Variants in CALCOCO1 observed in about 807,000 individuals in gnomAD.
CALCOCO1 encodes calcium binding and coiled-coil domain 1.
CALCOCO1 carries 44 observed loss-of-function variants against 86.3 expected under a neutral mutation model. That is an observed-to-expected ratio of 0.51 (90% confidence interval 0.40 to 0.66). The LOEUF (loss-of-function observed/expected upper bound fraction) is 0.66. Among genes scored for constraint, CALCOCO1 ranks in the 30% least tolerant of loss-of-function variants. CALCOCO1 has a pLI of 0.00. For synonymous variants in CALCOCO1, 297 were observed against 327.6 expected (o/e 0.91, Z 1.01); for missense variants, 708 against 851.1 (o/e 0.83, Z 2.09).
chr12:53,724,196 T>C, intron 3 of CALCOCO1: 1 of 436,846 alleles, frequency 2.3e-6, no homozygotes, highest in Non-Finnish European at 4.4e-6. Context: ...ACGCCTGGCC[T>C]GCAGCTTTCA....
intron 4 of CALCOCO1, 153 bp downstream of exon 4, chr12:53,723,440 A>G (rs944747743): frequency 1.4e-5 from 10 of 732,130 alleles, no homozygotes; most frequent in Non-Finnish European, 2.3e-5. Flanking sequence ...TCTATGTTAG[A>G]CTGAGACTCT....
rs1426311461 is a variant in CALCOCO1, at chr12:53,708,524, G to A, written c.*3420C>T. ...GCAACACATGGCACTTCATTTAATG[G>A]TATTGGTAATATTTATTTGAAGCTA... On this transcript the variant is annotated 3_prime_UTR_variant, in exon 15 of 15. Transcript: ENST00000550804. The A allele has an allele frequency of 2.0e-5, 3 of 151,908 alleles. No homozygotes were observed. Among genetic ancestry groups the A allele is most frequent in the Non-Finnish European group, 4.4e-5 (3 of 68,008 alleles). The allele number at this position is 151,908 out of a possible 1,614,324, so 9.4% of individuals were successfully genotyped here. A position where few individuals can be genotyped will look rare whatever the true frequency, so the allele number is the denominator to read the frequency against.
At chr12:53,712,385 T>C in intron 14 of CALCOCO1, 1 of 402,676 alleles carries the variant, frequency 2.5e-6, no homozygotes. Flanking sequence ...CCTCCCTCCA[T>C]CTCCGTCTGC....
At chr12:53,714,370 C>T (rs1945667970) in intron 11 of CALCOCO1, 129 bp from the exon 12 acceptor site, 2 of 714,772 alleles carry the variant, frequency 2.8e-6, no homozygotes, top group Middle Eastern at 3.7e-4. Context: ...AAGATTGGGG[C>T]AACTTCAGGC....
chr12:53,709,339 C>T lies in CALCOCO1; in HGVS notation c.*2605G>A, dbSNP rs1230654356. ...GCCGTCAATTACCCTTCCTTGAGCCCCCTCTGTGTCGGGGACCATGCTTTG... is the reference window on the plus strand; with the variant it reads ...GCCGTCAATTACCCTTCCTTGAGCCTCCTCTGTGTCGGGGACCATGCTTTG... On this transcript the variant is annotated 3_prime_UTR_variant, in exon 15 of 15. Transcript: ENST00000550804. 2 of 152,248 alleles carry T rather than the reference C, an allele frequency of 1.3e-5. No homozygotes were observed. Among genetic ancestry groups the T allele is most frequent in the African/African-American group, 4.8e-5 (2 of 41,446 alleles). 9.4% of individuals were successfully genotyped at this position (152,248 alleles called of 1,614,324 possible).
intron 13 of CALCOCO1, among the ~76,000 whole-genome samples, 154 bp downstream of exon 13, chr12:53,713,547 C>A (rs2120547953): frequency 2.0e-5 from 3 of 152,232 alleles, no homozygotes; most frequent in Admixed American, 2.0e-4. Context: ...GCCTGTGGTC[C>A]CAGCTACTCT....
chr12:53,712,916 C>A, intron 14 of CALCOCO1, 184 bp downstream of exon 14: 1 of 1,369,072 alleles, frequency 7.3e-7, no homozygotes, highest in Admixed American at 2.0e-5. Context: ...GTAGGGATTA[C>A]CTGAAGGCAT....
At chr12:53,717,165 A>G (rs1945749442) in intron 7 of CALCOCO1, among the ~76,000 whole-genome samples, 1 of 152,098 alleles carries the variant, frequency 6.6e-6, no homozygotes, top group Non-Finnish European at 1.5e-5. Flanking sequence ...GGCTTAAGCA[A>G]TTGTCTCAAC....
intron 13 of CALCOCO1, 50 bp from the exon 14 acceptor site, chr12:53,713,256 G>T (rs1945624998): frequency 1.4e-6 from 2 of 1,462,238 alleles, no homozygotes; most frequent in African/African-American, 1.4e-5. Context: ...TCCCAAGATG[G>T]GGGAGCAGCA....
At chr12:53,713,319 G>C in intron 13 of CALCOCO1, 113 bp from the exon 14 acceptor site, 2 of 832,142 alleles carry the variant, frequency 2.4e-6, no homozygotes, top group East Asian at 5.1e-5. Flanking sequence ...GACCTGAGGG[G>C]CTTAGGAAGA....
chr12:53,723,688 G>A lies in CALCOCO1; in HGVS notation c.355C>T (p.Arg119Ter), dbSNP rs753475661. ...VCGQSPPFQFREPRPMDELVT... is the reference protein window; with the variant it reads ...VCGQSPPFQF ...AGTTCATCCATGGGCCTTGGCTCTC[G>A]GAACTGGAAAGGGGGGCTCTGCCCA... Residue 119 changes from arginine (R) to a stop codon, truncating the protein, a stop_gained, in exon 4 of 15, where the codon CGA (arginine) becomes TGA (stop). Transcript: ENST00000550804. LOFTEE classifies it high-confidence loss of function. 4 of 1,614,182 alleles carry A rather than the reference G, an allele frequency of 2.5e-6. No individual in the cohort carries two copies. The highest frequency in any genetic ancestry group is 4.5e-5 in the East Asian group (2 of 44,892).
rs1945560938 is a variant in CALCOCO1 at position 53,711,856 on chromosome 12, A to G, written c.*88T>C. 17 of 1,161,876 alleles carry G rather than the reference A, an allele frequency of 1.5e-5. No individual in the cohort carries two copies. The highest frequency in any genetic ancestry group is 2.0e-5 in the Non-Finnish European group (17 of 854,560). The allele number at this position is 1,161,876 out of a possible 1,614,324, so 72.0% of individuals were successfully genotyped here. On this transcript the variant is annotated 3_prime_UTR_variant, in exon 15 of 15. Coordinates refer to ENST00000550804, the MANE Select transcript of CALCOCO1 (RefSeq NM_020898.3). ...AGAATATCATGGAGCCCAGTGTGAT[A>G]GAAAATGGGCATGAAACCTAAGTGT...
At position 53,715,767 on chromosome 12, in the gene CALCOCO1, T is replaced by C. The variant is rs201454763; in HGVS notation, c.1260+26A>G. The C allele has an allele frequency of 2.9e-5, 46 of 1,606,580 alleles. No homozygotes were observed. In the East Asian group the frequency reaches 9.6e-4, roughly 34 times the overall value. ...AGAGGTGGGGGCAGTGGCCATCAGA[T>C]TGCCAGGTACCCCCCATCCCTCTAC... On this transcript the variant is annotated intron_variant, in intron 9 of 14. Coordinates refer to ENST00000550804, the MANE Select transcript of CALCOCO1 (RefSeq NM_020898.3).
chr12:53,721,368 T>A, intron 6 of CALCOCO1, 99 bp downstream of exon 6: 6 of 1,079,328 alleles, frequency 5.6e-6, no homozygotes, highest in Non-Finnish European at 8.0e-6. Flanking sequence ...AGAGAAAGCG[T>A]GTGAGGCAGA....
chr12:53,713,117 G>T lies in CALCOCO1; in HGVS notation c.1881C>A (p.Ala627=). Residue 627 remains alanine (A), a synonymous_variant, in exon 14 of 15, where the codon GCC becomes GCA. Transcript: ENST00000550804. ...ANLLLPELGS[A]FYDMASGFTV... The stretch of plus-strand genomic sequence containing the variant: ...GAACTCACCTGGCCATGTCATAGAA[G>T]GCACTGCCCAGTTCAGGAAGCAGTA... The T allele has an allele frequency of 6.2e-7, 1 of 1,614,008 alleles. No individual in the cohort carries two copies. Among genetic ancestry groups the T allele is most frequent in the Non-Finnish European group, 8.5e-7 (1 of 1,179,906 alleles).
intron 9 of CALCOCO1, 60 bp downstream of exon 9, chr12:53,715,731 GGA>G: frequency 6.3e-7 from 1 of 1,582,296 alleles, no homozygotes; most frequent in South Asian, 1.1e-5. Flanking sequence ...ACCACATGTA[GGA>G]GTCCCCACAG....
At chr12:53,713,036 A>G (rs1334622022) in intron 14 of CALCOCO1, 64 bp downstream of exon 14, 2 of 1,464,120 alleles carry the variant, frequency 1.4e-6, no homozygotes, top group Non-Finnish European at 1.9e-6. Flanking sequence ...GTGACTGTCC[A>G]CACAGATGCC....
Position 53,722,120 on chromosome 12 carries a change from C to T in CALCOCO1, c.514G>A (p.Gly172Arg), listed in dbSNP as rs137978368. The change falls in exon 5 of 15, where the codon GGA becomes AGA. Residue 172 changes from glycine to arginine, a missense_variant. By Grantham distance (125) the Gly-to-Arg change is moderately radical. Coordinates refer to ENST00000550804, the MANE Select transcript of CALCOCO1 (RefSeq NM_020898.3). ...DLMQLKLQLE[G>R]QVTELRSRVQ... is the part of the protein sequence containing the mutation. ...CGGCTCCTCAGCTCTGTCACCTGTC[C>T]CTCCAGCTGTAGCTTCAGCTGCATC... The T allele has an allele frequency of 1.3e-5, 21 of 1,613,822 alleles. No homozygotes were observed. The highest frequency in any genetic ancestry group is 2.7e-5 in the African/African-American group (2 of 74,928).
chr12:53,712,263 G>T, intron 14 of CALCOCO1, 142 bp from the exon 15 acceptor site: 1 of 660,260 alleles, frequency 1.5e-6, no homozygotes, highest in Non-Finnish European at 2.6e-6. Flanking sequence ...CTCCCACAGC[G>T]TCTTTCTCCC....
Sources: allele counts gnomAD v4.1 joint callset (sites outside exome capture counted in the v4.1 genomes callset), GRCh38; gene constraint gnomAD v4.1.1; transcripts MANE v1.5; gene names NCBI Gene and HGNC (gene_info 2026-07-23, HGNC 2026-07-21).